Variants in RTN1 observed in about 807,000 individuals in gnomAD.
RTN1 encodes reticulon 1, also known as reticulon-1.
In RTN1, 25 loss-of-function variants were observed where a neutral mutation model predicts 65.5. The observed-to-expected ratio is 0.38, with a 90% CI of 0.28 to 0.53. The LOEUF (loss-of-function observed/expected upper bound fraction) is 0.53. Ranked by LOEUF, RTN1 falls within the 20% of genes least tolerant of loss-of-function variation. The probability of loss-of-function intolerance (pLI) is 0.79; values close to 1 mark genes in which losing one functional copy is unlikely to be tolerated. For synonymous variants in RTN1, 471 were observed against 447.6 expected, an observed-to-expected ratio of 1.05 and a Z score of -0.66; for missense variants, 983 against 1,025.4, an observed-to-expected ratio of 0.96 and a Z score of 0.57.
At chr14:59,637,626 C>T (rs948152619) in intron 3 of RTN1, among the ~76,000 whole-genome samples, 3 of 150,780 alleles carry the variant, frequency 2.0e-5, no homozygotes, top group Non-Finnish European at 2.9e-5. Context: ...GCAGGAGAAT[C>T]GCTTGAACCT....
intron 3 of RTN1, among the ~76,000 whole-genome samples, chr14:59,725,525 T>C (rs935384285): frequency 4.6e-5 from 7 of 152,198 alleles, no homozygotes; most frequent in African/African-American, 7.2e-5. Flanking sequence ...AAACCCAAAA[T>C]GGTTTTAAGA....
intron 1 of RTN1, among the ~76,000 whole-genome samples, chr14:59,866,273 A>G (rs535310422): frequency 6.6e-6 from 1 of 152,264 alleles, no homozygotes; most frequent in African/African-American, 2.4e-5. Flanking sequence ...TTGAACCGCA[A>G]TGGTTTCTCA....
At chr14:59,779,555 A>G (rs762191713) in intron 1 of RTN1, among the ~76,000 whole-genome samples, 1 of 151,886 alleles carries the variant, frequency 6.6e-6, no homozygotes, top group African/African-American at 2.4e-5. Context: ...AGCAAAGGGG[A>G]CAAGAGTCCC....
intron 3 of RTN1, among the ~76,000 whole-genome samples, chr14:59,671,080 A>C (rs1435283499): frequency 6.6e-6 from 1 of 152,156 alleles, no homozygotes; most frequent in East Asian, 1.9e-4. Context: ...AAACTGGCCC[A>C]GTCTTTGTGT....
intron 2 of RTN1, among the ~76,000 whole-genome samples, chr14:59,731,410 A>G (rs1313421493): frequency 6.6e-6 from 1 of 152,162 alleles, no homozygotes; most frequent in Non-Finnish European, 1.5e-5. Flanking sequence ...TCTAAAATTT[A>G]TTGCAGTGAT....
chr14:59,675,512 T>C (rs1220864302), intron 3 of RTN1, among the ~76,000 whole-genome samples: 1 of 151,444 alleles, frequency 6.6e-6, no homozygotes, highest in Non-Finnish European at 1.5e-5. Context: ...TAGTTCAATA[T>C]GTTCTTTCAT....
chr14:59,749,200 A>ATATATATC (rs1885311262), intron 1 of RTN1, among the ~76,000 whole-genome samples: 1 of 56,688 alleles, frequency 1.8e-5, no homozygotes, highest in African/African-American at 1.2e-4. Context: ...ATATATATCT[A>ATATATATC]TATATATATC....
intron 1 of RTN1, among the ~76,000 whole-genome samples, chr14:59,750,211 T>TACATATATTATATCTATAATATATA (rs1566713334): frequency 6.7e-4 from 18 of 26,778 alleles, no homozygotes; most frequent in Admixed American, 1.7e-3. Context: ...TAATATATAA[T>TACATATATTATATCTATAATATATA]ATATATATTA....
chr14:59,616,307 T>A (rs1027885707), intron 3 of RTN1, among the ~76,000 whole-genome samples: 1 of 152,210 alleles, frequency 6.6e-6, no homozygotes, highest in African/African-American at 2.4e-5. Context: ...ACAAATTTTC[T>A]TGTCAATTGT....
intron 1 of RTN1, among the ~76,000 whole-genome samples, chr14:59,851,684 C>T (rs933087809): frequency 2.6e-5 from 4 of 151,832 alleles, no homozygotes; most frequent in Non-Finnish European, 4.4e-5. Flanking sequence ...ATGGTGAAAC[C>T]CTGTCTTTAC....
At chr14:59,797,327 G>A (rs1413224628) in intron 1 of RTN1, among the ~76,000 whole-genome samples, 1 of 152,156 alleles carries the variant, frequency 6.6e-6, no homozygotes, top group South Asian at 2.1e-4. Context: ...CCTAATTCCA[G>A]TGGGTTATGT....
At chr14:59,752,716 C>T (rs1451039765) in intron 1 of RTN1, among the ~76,000 whole-genome samples, 1 of 152,026 alleles carries the variant, frequency 6.6e-6, no homozygotes, top group Non-Finnish European at 1.5e-5. Flanking sequence ...TAGTAAGCAT[C>T]CAATTCAAAA....
At chr14:59,793,815 C>T (rs1886394304) in intron 1 of RTN1, among the ~76,000 whole-genome samples, 2 of 152,018 alleles carry the variant, frequency 1.3e-5, no homozygotes, top group Non-Finnish European at 2.9e-5. Context: ...AGCCCAAATC[C>T]CCAACTCATA....
At chr14:59,819,484 A>T (rs1254609448) in intron 1 of RTN1, among the ~76,000 whole-genome samples, 1 of 120,054 alleles carries the variant, frequency 8.3e-6, no homozygotes, top group East Asian at 2.6e-4. Context: ...CCAGCTAGAC[A>T]TAAAAGTTCT....
chr14:59,627,465 C>T (rs780557831), intron 3 of RTN1, among the ~76,000 whole-genome samples: 2 of 152,228 alleles, frequency 1.3e-5, no homozygotes, highest in African/African-American at 4.8e-5. Flanking sequence ...TTCAAACAAA[C>T]CACTCAGTAA....
rs1012434535 is a variant in RTN1 at position 59,803,153 on chromosome 14, T to C, written c.242-56672A>G. Among the ~76,000 whole-genome samples, 2 of 152,186 alleles carry C rather than the reference T, an allele frequency of 1.3e-5. No individual in the cohort carries two copies. The highest frequency in any genetic ancestry group is 4.8e-5 in the African/African-American group (2 of 41,452). On this transcript the variant is annotated intron_variant, in intron 1 of 8. Transcript: ENST00000267484. This position sits in a 1 kb window ranked among gnomAD's most constrained non-coding sequence, Gnocchi z 5.6. Reference sequence around the variant, plus strand: ...GGACAGGATGTCTCCTATTCTTATGTGACTAAACACAGCTAGAAAAAGTAC... The same window carrying C: ...GGACAGGATGTCTCCTATTCTTATGCGACTAAACACAGCTAGAAAAAGTAC...
At chr14:59,644,666 C>T (rs567629166) in intron 3 of RTN1, among the ~76,000 whole-genome samples, 2 of 152,322 alleles carry the variant, frequency 1.3e-5, no homozygotes, top group Admixed American at 1.3e-4. Flanking sequence ...CCTCACAGGA[C>T]GAGACCCACT....
intron 3 of RTN1, among the ~76,000 whole-genome samples, chr14:59,707,052 G>A (rs74457587): frequency 0.014 from 2,111 of 152,292 alleles, 23 homozygotes; most frequent in Middle Eastern, 0.031. Flanking sequence ...ACCATGTGCT[G>A]AACTGAAGAA....
At chr14:59,725,638 A>G (rs1884741408) in intron 3 of RTN1, among the ~76,000 whole-genome samples, 1 of 152,214 alleles carries the variant, frequency 6.6e-6, no homozygotes, top group Non-Finnish European at 1.5e-5. Context: ...GCTATTTGGG[A>G]AGTCAAGAGT....
Sources: allele counts gnomAD v4.1 joint callset (sites outside exome capture counted in the v4.1 genomes callset), GRCh38; gene constraint gnomAD v4.1.1; non-coding constraint Gnocchi (gnomAD v3.1); transcripts MANE v1.5; gene names NCBI Gene and HGNC (gene_info 2026-07-23, HGNC 2026-07-21).